The following ERBB4 variants were observed in gnomAD, a reference collection of about 807,000 sequenced individuals.
ERBB4 encodes erb-b2 receptor tyrosine kinase 4.
A neutral mutation model predicts 158.0 loss-of-function variants in ERBB4; 42 were observed. The ratio of observed to expected loss-of-function variants is 0.27; its 90% CI spans 0.21 to 0.34. The LOEUF is 0.34. Ranked by LOEUF, ERBB4 falls within the 10% of genes least tolerant of loss-of-function variation. ERBB4 has a pLI of 1.00. For missense variants in ERBB4, 1,333 were observed against 1,624.1 expected (o/e 0.82, Z 3.08); for synonymous variants, 583 against 558.7 (o/e 1.04, Z -0.61).
intron 4 of ERBB4, among the ~76,000 whole-genome samples, chr2:211,770,944 C>T (rs924643960): frequency 3.3e-5 from 5 of 152,172 alleles, no homozygotes; most frequent in Admixed American, 1.3e-4. Flanking sequence ...AGAGGGGACT[C>T]GTGTATTTGG....
Position 211,941,716 on chromosome 2 carries a change from CTTTTT to C in ERBB4, c.421+5709_421+5713del, listed in dbSNP as rs57686734. On this transcript the variant is annotated intron_variant, in intron 3 of 27. Transcript: ENST00000342788. ...AGAAGACACACTGAAATTTGGAACA[CTTTTT>C]TTTTTTTTTTTTTGTCTAAACAGGT... is the stretch of plus-strand genomic sequence containing the variant. Among the ~76,000 whole-genome samples, 11 of 132,954 alleles carry C rather than the reference CTTTTT, an allele frequency of 8.3e-5. No individual in the cohort carries two copies. The South Asian group carries it at 1.2e-3, about 15-fold the overall frequency. The allele number at this position is 132,954 out of a possible 152,430, so 87.2% of individuals were successfully genotyped here. A position where few individuals can be genotyped will look rare whatever the true frequency, so the allele number is the denominator to read the frequency against.
At chr2:212,339,616 C>T (rs953158223) in intron 1 of ERBB4, among the ~76,000 whole-genome samples, 12 of 152,132 alleles carry the variant, frequency 7.9e-5, no homozygotes, top group Non-Finnish European at 1.6e-4. Flanking sequence ...AATTTTCCCT[C>T]TGTTTCTTTC....
chr2:212,249,596 T>C (rs1033789782), intron 1 of ERBB4, among the ~76,000 whole-genome samples: 2 of 151,862 alleles, frequency 1.3e-5, no homozygotes, highest in Non-Finnish European at 2.9e-5. Flanking sequence ...CACCATAGAA[T>C]TAAAACAAGG....
intron 2 of ERBB4, among the ~76,000 whole-genome samples, chr2:212,018,886 C>T (rs141123869): frequency 6.6e-6 from 1 of 152,194 alleles, no homozygotes; most frequent in East Asian, 1.9e-4. Context: ...TTTACAAAGG[C>T]ATGCACAAAG....
At chr2:212,367,851 T>C (rs571029318) in intron 1 of ERBB4, among the ~76,000 whole-genome samples, 3 of 152,172 alleles carry the variant, frequency 2.0e-5, no homozygotes, top group African/African-American at 7.2e-5. Flanking sequence ...TCACTAATGA[T>C]CAAGGAAATG....
chr2:212,319,867 T>A (rs1417920544), intron 1 of ERBB4, among the ~76,000 whole-genome samples: 1 of 150,220 alleles, frequency 6.7e-6, no homozygotes, highest in Non-Finnish European at 1.5e-5. Context: ...ATTAATGGAC[T>A]ACATTATCAA....
chr2:212,262,524 T>C (rs973090685), intron 1 of ERBB4, among the ~76,000 whole-genome samples: 2 of 152,174 alleles, frequency 1.3e-5, no homozygotes, highest in African/African-American at 4.8e-5. Context: ...ATTTATATCA[T>C]AATTTTAGAA....
chr2:211,740,561 T>A (rs1003374353), intron 5 of ERBB4, among the ~76,000 whole-genome samples: 3 of 151,640 alleles, frequency 2.0e-5, no homozygotes, highest in African/African-American at 7.3e-5. Flanking sequence ...ATCTCTGTAC[T>A]GTACCCCTTC....
At chr2:212,469,850 T>C in intron 1 of ERBB4, among the ~76,000 whole-genome samples, 1 of 152,146 alleles carries the variant, frequency 6.6e-6, no homozygotes, top group Non-Finnish European at 1.5e-5. Flanking sequence ...TTTTGGCACA[T>C]CCTGCACCTA....
intron 1 of ERBB4, among the ~76,000 whole-genome samples, chr2:212,359,817 G>C (rs1048452467): frequency 6.6e-6 from 1 of 151,122 alleles, no homozygotes; most frequent in African/African-American, 2.4e-5. Context: ...AATTACATTC[G>C]CACATTTACC....
intron 1 of ERBB4, among the ~76,000 whole-genome samples, chr2:212,218,768 T>G (rs1267800483): frequency 6.6e-6 from 1 of 151,452 alleles, no homozygotes; most frequent in Non-Finnish European, 1.5e-5. Context: ...GGATTTATCC[T>G]GGTAACCTAG....
intron 1 of ERBB4, among the ~76,000 whole-genome samples, chr2:212,483,140 A>T (rs1034697153): frequency 6.6e-6 from 1 of 152,006 alleles, no homozygotes; most frequent in East Asian, 1.9e-4. Context: ...CACTTAACCC[A>T]CTCAACTCTC....
chr2:212,439,769 T>G (rs1447790053), intron 1 of ERBB4, among the ~76,000 whole-genome samples: 1 of 152,126 alleles, frequency 6.6e-6, no homozygotes, highest in African/African-American at 2.4e-5. Flanking sequence ...TCTAAGAAGA[T>G]GCAGGTTGTC....
At chr2:212,262,167 G>C (rs2084969369) in intron 1 of ERBB4, among the ~76,000 whole-genome samples, 2 of 152,050 alleles carry the variant, frequency 1.3e-5, no homozygotes. Flanking sequence ...GGGAGAATAG[G>C]AAAATCATTC....
At chr2:211,661,911 C>CTGGGAGT (rs2071435939) in intron 15 of ERBB4, among the ~76,000 whole-genome samples, 1 of 147,254 alleles carries the variant, frequency 6.8e-6, no homozygotes. Context: ...TAGTGGCGGG[C>CTGGGAGT]GCCTGTAGTC....
intron 19 of ERBB4, among the ~76,000 whole-genome samples, chr2:211,612,038 T>C (rs1052303280): frequency 6.6e-6 from 1 of 152,180 alleles, no homozygotes; most frequent in Non-Finnish European, 1.5e-5. Flanking sequence ...GTGTTTCATC[T>C]GGCACTCTAA....
intron 2 of ERBB4, among the ~76,000 whole-genome samples, chr2:212,103,955 G>A (rs2079154530): frequency 6.6e-6 from 1 of 151,984 alleles, no homozygotes; most frequent in African/African-American, 2.4e-5. Context: ...TTTGTTTAAA[G>A]GTAAGTCATT....
intron 1 of ERBB4, among the ~76,000 whole-genome samples, chr2:212,172,189 A>T (rs1465996653): frequency 1.3e-5 from 2 of 152,196 alleles, no homozygotes; most frequent in African/African-American, 4.8e-5. Flanking sequence ...TCATTAGAGA[A>T]ATGCAAGTCA....
intron 1 of ERBB4, among the ~76,000 whole-genome samples, chr2:212,206,029 T>C (rs919153323): frequency 6.6e-6 from 1 of 152,226 alleles, no homozygotes; most frequent in African/African-American, 2.4e-5. Context: ...TATTTATATC[T>C]TTATAATTAG....
Sources: gnomAD v4.1 joint callset for allele counts (sites outside exome capture counted in the v4.1 genomes callset) on GRCh38, gnomAD v4.1.1 for gene constraint, MANE v1.5 for transcripts, NCBI Gene and HGNC (gene_info 2026-07-23, HGNC 2026-07-21) for gene names.